The following SBNO1 variants were observed in gnomAD, a reference collection of about 807,000 sequenced individuals.
The protein encoded by SBNO1 is protein strawberry notch homolog 1.
SBNO1 carries 23 observed loss-of-function variants against 173.6 expected under a neutral mutation model. That is an observed-to-expected ratio of 0.13 (90% CI 0.10 to 0.19). SBNO1 has a LOEUF of 0.19. Ranked by LOEUF, SBNO1 falls within the 10% of genes least tolerant of loss-of-function variation. SBNO1 has a pLI of 1.00. For missense variants in SBNO1, 1,238 were observed against 1,671.2 expected (o/e 0.74, Z 4.52); for synonymous variants, 632 against 571.5 (o/e 1.11, Z -1.51).
intron 5 of SBNO1, among the ~76,000 whole-genome samples, chr12:123,339,316 G>C (rs1721193172): frequency 6.6e-6 from 1 of 151,476 alleles, no homozygotes; most frequent in Non-Finnish European, 1.5e-5. Context: ...AAGGTCTCTA[G>C]TACCCCTTCT....
chr12:123,338,430 C>T (rs1269022649), intron 5 of SBNO1, among the ~76,000 whole-genome samples: 1 of 152,154 alleles, frequency 6.6e-6, no homozygotes, highest in East Asian at 1.9e-4. Context: ...CGCCTGAAAT[C>T]CCAGCACTTT....
rs761576870 is a variant in SBNO1 at position 123,311,098 on chromosome 12, C to T, written c.3252G>A (p.Leu1084=). 3 of 1,613,774 alleles carry T rather than the reference C, an allele frequency of 1.9e-6. No homozygotes were observed. The highest frequency in any genetic ancestry group is 2.5e-6 in the Non-Finnish European group (3 of 1,179,730). ...DVRQGLIGVG[L]INVEDRSGIL... is the part of the protein sequence containing the mutation. ...TTCCCGAGCGATCTTCTACATTTAT[C>T]AGGCCAACGCCTATCAGTCCTTGTC... The change falls in exon 25 of 32, where the codon CTG becomes CTA. Residue 1084 remains leucine (L), a synonymous_variant. Coordinates refer to ENST00000602398, the MANE Select transcript of SBNO1 (RefSeq NM_001167856.3).
chr12:123,339,978 C>A (rs556027324), intron 5 of SBNO1, among the ~76,000 whole-genome samples: 29 of 152,266 alleles, frequency 1.9e-4, no homozygotes, highest in African/African-American at 6.7e-4. Context: ...TCGTCATACT[C>A]AAAACCCAAG....
chr12:123,321,874 C>A, intron 16 of SBNO1, 142 bp from the exon 17 acceptor site: 1 of 666,844 alleles, frequency 1.5e-6, no homozygotes, highest in Admixed American at 2.9e-5. Flanking sequence ...AAACAGAATT[C>A]ACAAACCAGC....
chr12:123,335,895 TA>T (rs1871782680), intron 6 of SBNO1, among the ~76,000 whole-genome samples: 1 of 152,182 alleles, frequency 6.6e-6, no homozygotes, highest in Non-Finnish European at 1.5e-5. Context: ...CAGTAGTTGA[TA>T]AAAAGAGAAT....
At position 123,293,358 on chromosome 12, in the gene SBNO1, C is replaced by G. The variant is rs955232438; in HGVS notation, c.*2550G>C. The G allele has an allele frequency of 3.9e-5, 6 of 152,158 alleles. No homozygotes were observed. The highest frequency in any genetic ancestry group is 1.4e-4 in the African/African-American group (6 of 41,440). 9.4% of individuals were successfully genotyped at this position (152,158 alleles called of 1,614,324 possible). A position where few individuals can be genotyped will look rare whatever the true frequency, so the allele number is the denominator to read the frequency against. On this transcript the variant is annotated 3_prime_UTR_variant, in exon 32 of 32. Coordinates refer to ENST00000602398, the MANE Select transcript of SBNO1 (RefSeq NM_001167856.3). ...GGATTATAGGAGTGAGCCACCACGCCCGGCTACGAGTTGGGTTTTAACAGA... is the reference window on the plus strand; with the variant it reads ...GGATTATAGGAGTGAGCCACCACGCGCGGCTACGAGTTGGGTTTTAACAGA...
intron 7 of SBNO1, among the ~76,000 whole-genome samples, chr12:123,333,156 G>A (rs1052553845): frequency 1.3e-5 from 2 of 151,982 alleles, no homozygotes; most frequent in South Asian, 2.1e-4. Flanking sequence ...GATTACAGGC[G>A]TGAGCCACCA....
chr12:123,336,480 A>G lies in SBNO1; in HGVS notation c.663T>C (p.Val221=). ...RSFSPTMKVP[V]VKEDDEPEEE... ...CCTCTGGTTCATCATCTTCTTTTAC[A>G]ACAGGAACCTTCTGCAACACAGAAA... The change falls in exon 6 of 32, where the codon GTT becomes GTC. Residue 221 remains valine, a synonymous_variant. Transcript: ENST00000602398. 1 of 1,610,470 alleles carries G rather than the reference A, an allele frequency of 6.2e-7. No homozygotes were observed. Among genetic ancestry groups the G allele is most frequent in the Admixed American group, 1.7e-5 (1 of 59,434 alleles).
At position 123,289,442 on chromosome 12, in the gene SBNO1, A is replaced by G. The variant is rs1183880696; in HGVS notation, c.*6466T>C. On this transcript the variant is annotated 3_prime_UTR_variant, in exon 32 of 32. Transcript: ENST00000602398. ...ACACGCTACAACAGGAGCGATAACAAAAGGGAGATTTAAAAAAGAGAACCA... is the reference window on the plus strand; with the variant it reads ...ACACGCTACAACAGGAGCGATAACAGAAGGGAGATTTAAAAAAGAGAACCA... 6.6e-6 allele frequency: 1 copy of G among 152,266 alleles called. No homozygotes were observed. The highest frequency in any genetic ancestry group is 1.9e-4 in the East Asian group (1 of 5,210). The allele number at this position is 152,266 out of a possible 1,614,324, so 9.4% of individuals were successfully genotyped here.
At chr12:123,316,422 C>T (rs533447036) in intron 21 of SBNO1, among the ~76,000 whole-genome samples, 84 of 152,162 alleles carry the variant, frequency 5.5e-4, no homozygotes, top group African/African-American at 1.9e-3. Flanking sequence ...CAGGGTTTCT[C>T]CATGTTGGTC....
intron 1 of SBNO1, among the ~76,000 whole-genome samples, chr12:123,363,215 C>A (rs1385982084): frequency 6.6e-6 from 1 of 152,206 alleles, no homozygotes; most frequent in African/African-American, 2.4e-5. Flanking sequence ...GAAACAACTT[C>A]TTTAAAAGAT....
chr12:123,328,062 G>A, intron 10 of SBNO1, 35 bp from the exon 11 acceptor site: 1 of 1,531,952 alleles, frequency 6.5e-7, no homozygotes, highest in Non-Finnish European at 8.9e-7. Context: ...TATCACATTA[G>A]TATTAAGTAA....
intron 5 of SBNO1, among the ~76,000 whole-genome samples, chr12:123,337,843 A>G (rs1872034185): frequency 6.6e-6 from 1 of 152,198 alleles, no homozygotes; most frequent in Non-Finnish European, 1.5e-5. Flanking sequence ...CTATGTTAAG[A>G]TAAGCAGCCT....
At position 123,318,457 on chromosome 12, in the gene SBNO1, G is replaced by A. The variant is rs575717182; in HGVS notation, c.2800-1101C>T. 4.6e-5 allele frequency among the ~76,000 whole-genome samples: 7 copies of A among 152,112 alleles called. No individual in the cohort carries two copies. The East Asian group carries it at 1.2e-3, about 25-fold the overall frequency. On this transcript the variant is annotated intron_variant, in intron 20 of 31. Transcript: ENST00000602398. ...GTCTACAGAAAGAGTCTCTGGGCCA[G>A]CACAGTAGCTCACGCCTATAATCCC...
At chr12:123,336,053 C>G (rs368057205) in intron 6 of SBNO1, among the ~76,000 whole-genome samples, 1 of 152,006 alleles carries the variant, frequency 6.6e-6, no homozygotes, top group Non-Finnish European at 1.5e-5. Flanking sequence ...CGACTTCATA[C>G]AGTGGCTGCT....
At position 123,348,062 on chromosome 12, in the gene SBNO1, C is replaced by T; in HGVS notation, c.204G>A (p.Glu68=). The change falls in exon 3 of 32, where the codon GAG becomes GAA. Residue 68 remains glutamate (E), a synonymous_variant. Transcript: ENST00000602398. ...TTAATAGTGCTGGAGTAGGTACAGT[C>T]TCTGGTTCTTGTTTAACAGGAACTG... ...EAAVPVKQEP[E]TVPTPALLNV... 2 of 1,610,716 alleles carry T rather than the reference C, an allele frequency of 1.2e-6. No homozygotes were observed. The highest frequency in any genetic ancestry group is 1.7e-6 in the Non-Finnish European group (2 of 1,177,204).
At position 123,313,600 on chromosome 12, in the gene SBNO1, T is replaced by C. The variant is rs369607448; in HGVS notation, c.3220+20A>G. 11 of 1,208,766 alleles carry C rather than the reference T, an allele frequency of 9.1e-6. No individual in the cohort carries two copies. The highest frequency in any genetic ancestry group is 6.0e-5 in the African/African-American group (4 of 66,718). 74.9% of individuals were successfully genotyped at this position (1,208,766 alleles called of 1,614,324 possible). On this transcript the variant is annotated intron_variant, in intron 24 of 31. Transcript: ENST00000602398. The stretch of plus-strand genomic sequence containing the variant: ...TTGTCAATAATCATTGTCATTGTTA[T>C]GAATATTTGTAGAAGTTACCTTTAA...
At chr12:123,346,587 A>G (rs1485290983) in intron 3 of SBNO1, among the ~76,000 whole-genome samples, 4 of 152,036 alleles carry the variant, frequency 2.6e-5, no homozygotes, top group South Asian at 2.1e-4. Context: ...TGGCCTGAAC[A>G]CAGGAGGCGG....
intron 3 of SBNO1, among the ~76,000 whole-genome samples, chr12:123,346,145 G>C (rs11057284): frequency 0.53 from 80,511 of 151,992 alleles, 25,448 homozygotes; most frequent in East Asian, 0.71. Context: ...GCCAGGCACA[G>C]TGGTGTGCAC....
Sources: allele counts gnomAD v4.1 joint callset (sites outside exome capture counted in the v4.1 genomes callset), GRCh38; gene constraint gnomAD v4.1.1; transcripts MANE v1.5; gene names NCBI Gene and HGNC (gene_info 2026-07-23, HGNC 2026-07-21).